The following GOLIM4 variants were observed in gnomAD, a reference collection of about 807,000 sequenced individuals.
GOLIM4 encodes 130 kDa golgi-localized phosphoprotein.
Under a neutral mutation model 107.4 loss-of-function variants are expected in GOLIM4, and 71 were observed. The ratio of observed to expected loss-of-function variants is 0.66; its 90% CI spans 0.55 to 0.81. The LOEUF (loss-of-function observed/expected upper bound fraction) is 0.81. Among genes scored for constraint, GOLIM4 ranks in the 30% least tolerant of loss-of-function variants. GOLIM4 has a pLI of 0.00. For synonymous variants in GOLIM4, 327 were observed against 294.8 expected, an observed-to-expected ratio of 1.11 and a Z score of -1.12; for missense variants, 830 against 826.1, an observed-to-expected ratio of 1.00 and a Z score of -0.06.
At chr3:168,086,688 G>C (rs1201529338) in intron 1 of GOLIM4, among the ~76,000 whole-genome samples, 1 of 152,168 alleles carries the variant, frequency 6.6e-6, no homozygotes, top group Non-Finnish European at 1.5e-5. Context: ...GCTATAGAGA[G>C]CAATTTATTT....
chr3:168,075,338 C>G (rs1721024656), intron 1 of GOLIM4, among the ~76,000 whole-genome samples: 1 of 138,170 alleles, frequency 7.2e-6, no homozygotes, highest in South Asian at 2.3e-4. Context: ...GCTCTGTCGC[C>G]CAGGCTGGAG....
chr3:168,095,583 G>T lies in GOLIM4; in HGVS notation c.-298C>A, dbSNP rs530770610. On this transcript the variant is annotated 5_prime_UTR_variant, in exon 1 of 16. Coordinates refer to ENST00000470487, the MANE Select transcript of GOLIM4 (RefSeq NM_014498.5). ...ATACTTCAGAGCCGGCTGCCCTCGC[G>T]CCTGTCCCCAGATGCCTCCTGCCTT... The T allele has an allele frequency of 1.1e-5, 4 of 373,934 alleles. No individual in the cohort carries two copies. In the Admixed American group the frequency reaches 2.0e-4, roughly 18 times the overall value. 23.2% of individuals were successfully genotyped at this position (373,934 alleles called of 1,614,324 possible).
intron 1 of GOLIM4, among the ~76,000 whole-genome samples, chr3:168,057,567 G>C (rs956568848): frequency 2.6e-5 from 4 of 152,110 alleles, no homozygotes; most frequent in Non-Finnish European, 5.9e-5. Context: ...ACTATTACGA[G>C]AACAGCATGG....
chr3:168,082,818 G>A (rs1161509884), intron 1 of GOLIM4, among the ~76,000 whole-genome samples: 3 of 151,934 alleles, frequency 2.0e-5, no homozygotes, highest in African/African-American at 7.3e-5. Context: ...AATGGGGCAG[G>A]AAGAGAAACA....
chr3:168,095,446 G>T lies in GOLIM4; in HGVS notation c.-161C>A. ...CCGGAGGGGAAGTGGCGCCCGCTCA[G>T]CCCCCGCGCGGCGCGGGGCGCGCAG... On this transcript the variant is annotated 5_prime_UTR_variant, in exon 1 of 16. The change creates a new upstream start codon in the 5' untranslated region. Coordinates refer to ENST00000470487, the MANE Select transcript of GOLIM4 (RefSeq NM_014498.5). 1 of 566,988 alleles carries T rather than the reference G, an allele frequency of 1.8e-6. No individual in the cohort carries two copies. The highest frequency in any genetic ancestry group is 3.0e-6 in the Non-Finnish European group (1 of 333,230). The allele number at this position is 566,988 out of a possible 1,614,324, so 35.1% of individuals were successfully genotyped here. A position where few individuals can be genotyped will look rare whatever the true frequency, so the allele number is the denominator to read the frequency against.
intron 1 of GOLIM4, among the ~76,000 whole-genome samples, chr3:168,053,905 T>G (rs13063201): frequency 0.19 from 28,857 of 151,960 alleles, 3,583 homozygotes; most frequent in Middle Eastern, 0.29. Flanking sequence ...AAGAAAGAAA[T>G]AAAAAGAAAA....
chr3:168,020,294 C>CATAT (rs915570975), intron 14 of GOLIM4, among the ~76,000 whole-genome samples: 91 of 152,236 alleles, frequency 6.0e-4, no homozygotes, highest in African/African-American at 2.1e-3. Flanking sequence ...AGCAAATGGG[C>CATAT]ATATATACAC....
At chr3:168,017,315 C>T (rs1217165990) in intron 14 of GOLIM4, among the ~76,000 whole-genome samples, 1 of 151,968 alleles carries the variant, frequency 6.6e-6, no homozygotes, top group Non-Finnish European at 1.5e-5. Flanking sequence ...GAGACCCTGT[C>T]TCTACAAAAA....
At chr3:168,031,597 C>T (rs958883264) in intron 9 of GOLIM4, among the ~76,000 whole-genome samples, 2 of 152,198 alleles carry the variant, frequency 1.3e-5, no homozygotes, top group African/African-American at 4.8e-5. Context: ...GGAAGTAAAG[C>T]TGGTGGGGAA....
intron 1 of GOLIM4, among the ~76,000 whole-genome samples, chr3:168,069,751 T>C (rs1467098874): frequency 1.4e-5 from 2 of 145,466 alleles, no homozygotes; most frequent in East Asian, 1.9e-4. Flanking sequence ...CAAAATATAC[T>C]GCATAAGAGA....
At position 168,095,606 on chromosome 3, in the gene GOLIM4, CT is replaced by C. The variant is rs1722154085; in HGVS notation, c.-322del. The C allele has an allele frequency of 4.3e-5, 13 of 302,036 alleles. No individual in the cohort carries two copies. Among genetic ancestry groups the C allele is most frequent in the East Asian group, 8.7e-5 (1 of 11,512 alleles). 18.7% of individuals were successfully genotyped at this position (302,036 alleles called of 1,614,324 possible). A position where few individuals can be genotyped will look rare whatever the true frequency, so the allele number is the denominator to read the frequency against. ...GCGCCTGTCCCCAGATGCCTCCTGC[CT>C]TTTTTCCTTCTTCCCACTTTTTGGC... On this transcript the variant is annotated 5_prime_UTR_variant, in exon 1 of 16. Coordinates refer to ENST00000470487, the MANE Select transcript of GOLIM4 (RefSeq NM_014498.5).
chr3:168,010,444 A>T, intron 15 of GOLIM4, 26 bp from the exon 16 acceptor site: 1 of 1,442,466 alleles, frequency 6.9e-7, no homozygotes, highest in Non-Finnish European at 9.7e-7. Flanking sequence ...AAAAAGAAAA[A>T]CTAAGAGATA....
chr3:168,061,794 A>G (rs1720287656), intron 1 of GOLIM4, among the ~76,000 whole-genome samples: 1 of 152,190 alleles, frequency 6.6e-6, no homozygotes, highest in Non-Finnish European at 1.5e-5. Flanking sequence ...CACTGTGCAC[A>G]TGGGGGCAGC....
At chr3:168,094,403 A>G (rs1722056070) in intron 1 of GOLIM4, among the ~76,000 whole-genome samples, 1 of 152,204 alleles carries the variant, frequency 6.6e-6, no homozygotes, top group African/African-American at 2.4e-5. Context: ...TGATGAAGTA[A>G]AAGCTACTTA....
chr3:168,012,282 G>A (rs535319707), intron 14 of GOLIM4, among the ~76,000 whole-genome samples: 18 of 138,448 alleles, frequency 1.3e-4, no homozygotes, highest in African/African-American at 4.5e-4. Context: ...TGTAAGAAAG[G>A]GTATCAGCGA....
chr3:168,073,544 A>T (rs2108280839), intron 1 of GOLIM4, among the ~76,000 whole-genome samples: 1 of 152,326 alleles, frequency 6.6e-6, no homozygotes, highest in Non-Finnish European at 1.5e-5. Flanking sequence ...GACATGAAAT[A>T]CCAGTTTTTG....
chr3:168,071,422 G>A (rs1445068770), intron 1 of GOLIM4, among the ~76,000 whole-genome samples: 2 of 152,028 alleles, frequency 1.3e-5, no homozygotes, highest in East Asian at 1.9e-4. Flanking sequence ...TCTCTAGGCA[G>A]GAATGATGAA....
At chr3:168,033,505 G>C (rs548196802) in intron 8 of GOLIM4, among the ~76,000 whole-genome samples, 4 of 150,136 alleles carry the variant, frequency 2.7e-5, no homozygotes, top group Non-Finnish European at 5.9e-5. Context: ...TACGCGGGAG[G>C]CTGAGGCAGG....
rs996949331 is a variant in GOLIM4 at position 168,095,451 on chromosome 3, C to T, written c.-166G>A. 9.0e-6 allele frequency: 5 copies of T among 554,672 alleles called. No homozygotes were observed. The African/African-American group carries it at 1.0e-4, about 11-fold the overall frequency. 34.4% of individuals were successfully genotyped at this position (554,672 alleles called of 1,614,324 possible). ...GGGGAAGTGGCGCCCGCTCAGCCCCCGCGCGGCGCGGGGCGCGCAGCCATC... is the reference window on the plus strand; with the variant it reads ...GGGGAAGTGGCGCCCGCTCAGCCCCTGCGCGGCGCGGGGCGCGCAGCCATC... On this transcript the variant is annotated 5_prime_UTR_variant, in exon 1 of 16. Coordinates refer to ENST00000470487, the MANE Select transcript of GOLIM4 (RefSeq NM_014498.5).
Sources: allele counts gnomAD v4.1 joint callset (sites outside exome capture counted in the v4.1 genomes callset), GRCh38; gene constraint gnomAD v4.1.1; transcripts MANE v1.5; gene names NCBI Gene and HGNC (gene_info 2026-07-23, HGNC 2026-07-21).